Variants in DLG2 observed in about 807,000 individuals in gnomAD.
DLG2 encodes discs large MAGUK scaffold protein 2.
A neutral mutation model predicts 132.5 loss-of-function variants in DLG2; 45 were observed. The ratio of observed to expected loss-of-function variants is 0.34; its 90% CI spans 0.27 to 0.44. The LOEUF (loss-of-function observed/expected upper bound fraction) is 0.44, where lower values mean the gene tolerates loss of function less well. Ranked by LOEUF, DLG2 falls within the 20% of genes least tolerant of loss-of-function variation. The probability of loss-of-function intolerance (pLI) is 1.00; values close to 1 mark genes in which losing one functional copy is unlikely to be tolerated. For missense variants in DLG2, 1,045 were observed against 1,196.9 expected, an observed-to-expected ratio of 0.87 and a Z score of 1.87; for synonymous variants, 424 against 419.6, an observed-to-expected ratio of 1.01 and a Z score of -0.13.
At chr11:84,611,946 T>C (rs755732421) in intron 6 of DLG2, among the ~76,000 whole-genome samples, 60 of 152,294 alleles carry the variant, frequency 3.9e-4, no homozygotes, top group Admixed American at 5.2e-4. Context: ...TTTACAACTA[T>C]TTTGAAGTAT....
chr11:84,844,085 G>GTGTGTGTA (rs1221044786), intron 6 of DLG2, among the ~76,000 whole-genome samples: 41 of 93,130 alleles, frequency 4.4e-4, no homozygotes, highest in Admixed American at 2.4e-3. Flanking sequence ...GTGTGTGTGT[G>GTGTGTGTA]TATATATATA....
At chr11:84,652,783 AC>A (rs1363282775) in intron 6 of DLG2, among the ~76,000 whole-genome samples, 1 of 152,214 alleles carries the variant, frequency 6.6e-6, no homozygotes, top group Admixed American at 6.5e-5. Flanking sequence ...AGAAAATTAA[AC>A]CTTAAGTTAT....
At chr11:84,626,412 G>T (rs2099622594) in intron 6 of DLG2, among the ~76,000 whole-genome samples, 1 of 152,154 alleles carries the variant, frequency 6.6e-6, no homozygotes, top group South Asian at 2.1e-4. Flanking sequence ...TATGTATCTG[G>T]AATCCTCCTC....
intron 3 of DLG2, among the ~76,000 whole-genome samples, chr11:85,477,451 T>A (rs367543453): frequency 6.6e-6 from 1 of 152,172 alleles, no homozygotes; most frequent in Non-Finnish European, 1.5e-5. Flanking sequence ...AACTTGACCA[T>A]AGGTAATAAC....
chr11:85,105,685 C>T (rs529048371), intron 6 of DLG2, among the ~76,000 whole-genome samples: 8 of 152,000 alleles, frequency 5.3e-5, no homozygotes, highest in African/African-American at 1.4e-4. Context: ...AATATCCTGG[C>T]TTCGATTTAT....
At chr11:84,355,562 T>G (rs1398771527) in intron 7 of DLG2, among the ~76,000 whole-genome samples, 1 of 152,054 alleles carries the variant, frequency 6.6e-6, no homozygotes, top group Non-Finnish European at 1.5e-5. Context: ...CCTCCAGAAC[T>G]GTGAGAGATA....
intron 11 of DLG2, among the ~76,000 whole-genome samples, chr11:84,008,497 G>T (rs924302029): frequency 2.0e-5 from 3 of 151,804 alleles, no homozygotes; most frequent in Non-Finnish European, 4.4e-5. Context: ...GTTGACAGAT[G>T]GAAATTTGGT....
chr11:85,577,909 C>T (rs2153227596), intron 3 of DLG2, among the ~76,000 whole-genome samples: 1 of 152,182 alleles, frequency 6.6e-6, no homozygotes, highest in South Asian at 2.1e-4. Flanking sequence ...TCATATGGAA[C>T]CAATAAAAAG....
At chr11:85,509,225 A>T (rs2094002821) in intron 3 of DLG2, among the ~76,000 whole-genome samples, 1 of 152,090 alleles carries the variant, frequency 6.6e-6, no homozygotes, top group Non-Finnish European at 1.5e-5. Context: ...AATAAATCTA[A>T]CAGAAACCAA....
intron 5 of DLG2, among the ~76,000 whole-genome samples, chr11:85,119,941 T>G (rs529430753): frequency 6.6e-6 from 1 of 152,206 alleles, no homozygotes; most frequent in Non-Finnish European, 1.5e-5. Flanking sequence ...TAAAGAATTT[T>G]AAAAGTTGAG....
chr11:84,926,694 A>T (rs2092990710), intron 6 of DLG2, among the ~76,000 whole-genome samples: 1 of 151,912 alleles, frequency 6.6e-6, no homozygotes, highest in South Asian at 2.1e-4. Context: ...ACTATAGGAA[A>T]TCATTCACAA....
At chr11:84,344,422 T>G (rs1309454982) in intron 7 of DLG2, among the ~76,000 whole-genome samples, 1 of 152,212 alleles carries the variant, frequency 6.6e-6, no homozygotes, top group Non-Finnish European at 1.5e-5. Context: ...TCTACTATTA[T>G]TGTTGTTAAC....
chr11:84,205,605 CAAAT>C (rs921528492), intron 8 of DLG2, among the ~76,000 whole-genome samples: 3 of 150,868 alleles, frequency 2.0e-5, no homozygotes, highest in Non-Finnish European at 4.4e-5. Context: ...ATTTGTGAGT[CAAAT>C]AAAAGATCAT....
intron 15 of DLG2, among the ~76,000 whole-genome samples, chr11:83,889,338 C>A (rs1420615877): frequency 1.3e-5 from 2 of 151,878 alleles, no homozygotes; most frequent in African/African-American, 2.4e-5. Flanking sequence ...TTTATGCAGC[C>A]AAAAAACACA....
intron 10 of DLG2, among the ~76,000 whole-genome samples, chr11:84,094,338 T>A (rs1020372754): frequency 2.0e-5 from 3 of 152,166 alleles, no homozygotes; most frequent in Non-Finnish European, 4.4e-5. Context: ...GTGTTGGTCT[T>A]TATTATTAGG....
At chr11:85,156,746 T>C (rs778424410) in intron 4 of DLG2, among the ~76,000 whole-genome samples, 1 of 152,192 alleles carries the variant, frequency 6.6e-6, no homozygotes, top group African/African-American at 2.4e-5. Context: ...TCCACCATCA[T>C]AGACTAAGCG....
intron 6 of DLG2, among the ~76,000 whole-genome samples, chr11:84,818,324 G>T (rs1221858645): frequency 1.3e-5 from 2 of 151,944 alleles, no homozygotes; most frequent in Non-Finnish European, 2.9e-5. Flanking sequence ...AAATGGAAGT[G>T]CCCTGCATAA....
intron 6 of DLG2, among the ~76,000 whole-genome samples, chr11:84,898,373 A>T (rs917724325): frequency 6.6e-6 from 1 of 151,924 alleles, no homozygotes; most frequent in African/African-American, 2.4e-5. Context: ...TTTATAAACC[A>T]TGCTTTTTTC....
chr11:85,482,387 T>C (rs1051699867), intron 3 of DLG2, among the ~76,000 whole-genome samples: 1 of 152,036 alleles, frequency 6.6e-6, no homozygotes, highest in East Asian at 1.9e-4. Context: ...GCAAGGCCAG[T>C]CCCCATGGTC....
Sources: allele counts gnomAD v4.1 joint callset (sites outside exome capture counted in the v4.1 genomes callset), GRCh38; gene constraint gnomAD v4.1.1; transcripts MANE v1.5; gene names NCBI Gene and HGNC (gene_info 2026-07-23, HGNC 2026-07-21).